WWC2: variants seen among roughly 807,000 people sequenced by gnomAD.
WWC2 encodes the protein WW and C2 domain containing 2, also known as protein WWC2.
WWC2 carries 101 observed loss-of-function variants against 138.5 expected under a neutral mutation model. The observed-to-expected ratio is 0.73, with a 90% CI of 0.62 to 0.86. The LOEUF (loss-of-function observed/expected upper bound fraction) is 0.86. WWC2 is among the 40% of genes least tolerant of loss of function. The pLI, the probability that WWC2 is intolerant of heterozygous loss-of-function variation, is 0.00. For synonymous variants in WWC2, 558 were observed against 538.4 expected, an observed-to-expected ratio of 1.04 and a Z score of -0.50; for missense variants, 1,420 against 1,419.4, an observed-to-expected ratio of 1.00 and a Z score of -0.01.
chr4:183,319,707 A>T lies in WWC2; in HGVS notation c.*3978A>T, dbSNP rs764162279. ...TCCTAGCAGAAGAGAAAGTCCAGCA[A>T]ACCAGCCCAGAAACAGGGCCTCCCC... On this transcript the variant is annotated 3_prime_UTR_variant, in exon 23 of 23. Transcript: ENST00000403733. 35 of 1,614,032 alleles carry T rather than the reference A, an allele frequency of 2.2e-5. No homozygotes were observed. The highest frequency in any genetic ancestry group is 2.6e-5 in the Non-Finnish European group (31 of 1,180,044).
intron 16 of WWC2, among the ~76,000 whole-genome samples, chr4:183,275,826 A>C (rs1048602849): frequency 2.0e-5 from 3 of 152,164 alleles, no homozygotes; most frequent in Admixed American, 6.6e-5. Context: ...GAAGAGTTTG[A>C]GAATAATTTG....
intron 1 of WWC2, among the ~76,000 whole-genome samples, chr4:183,161,273 G>C (rs1443825842): frequency 6.6e-6 from 1 of 152,156 alleles, no homozygotes; most frequent in Non-Finnish European, 1.5e-5. Flanking sequence ...ACTACAAACA[G>C]AAACTTCATT....
intron 14 of WWC2, 121 bp from the exon 15 acceptor site, chr4:183,268,850 A>G: frequency 9.2e-7 from 1 of 1,091,530 alleles, no homozygotes; most frequent in Non-Finnish European, 1.3e-6. Flanking sequence ...GCAACACTTT[A>G]GATTGATCTT....
chr4:183,201,708 C>T (rs759920142), intron 2 of WWC2, among the ~76,000 whole-genome samples: 2 of 152,174 alleles, frequency 1.3e-5, no homozygotes, highest in African/African-American at 2.4e-5. Flanking sequence ...AGAAATACTT[C>T]GTTGGGCTGC....
chr4:183,262,980 A>G (rs1447180528), intron 11 of WWC2, among the ~76,000 whole-genome samples: 1 of 152,180 alleles, frequency 6.6e-6, no homozygotes, highest in Non-Finnish European at 1.5e-5. Context: ...CAGTGATAAC[A>G]TGTGAAGCAC....
At chr4:183,263,032 T>C (rs1195190687) in intron 11 of WWC2, among the ~76,000 whole-genome samples, 1 of 152,188 alleles carries the variant, frequency 6.6e-6, no homozygotes, top group African/African-American at 2.4e-5. Flanking sequence ...ATGGTAATTA[T>C]TAGTACTCTG....
At chr4:183,104,712 T>C (rs1015346731) in intron 1 of WWC2, among the ~76,000 whole-genome samples, 1 of 152,204 alleles carries the variant, frequency 6.6e-6, no homozygotes, top group Non-Finnish European at 1.5e-5. Context: ...TAAAGTATGC[T>C]GTCTTCCAAA....
chr4:183,265,257 C>A, intron 12 of WWC2, 150 bp downstream of exon 12: 2 of 1,137,216 alleles, frequency 1.8e-6, no homozygotes, highest in Non-Finnish European at 1.2e-6. Flanking sequence ...CTGAAAAGTT[C>A]AGTATATCAA....
intron 1 of WWC2, among the ~76,000 whole-genome samples, chr4:183,177,320 T>A (rs887519914): frequency 6.6e-6 from 1 of 152,192 alleles, no homozygotes; most frequent in African/African-American, 2.4e-5. Context: ...ATCTCAAGGC[T>A]AAGGATCATG....
chr4:183,125,359 C>G (rs1732727904), intron 1 of WWC2, among the ~76,000 whole-genome samples: 1 of 152,098 alleles, frequency 6.6e-6, no homozygotes, highest in Non-Finnish European at 1.5e-5. Context: ...GCTGTCATTG[C>G]TTATAGCTTA....
intron 1 of WWC2, among the ~76,000 whole-genome samples, chr4:183,149,920 C>G (rs1733592368): frequency 6.6e-6 from 1 of 152,142 alleles, no homozygotes; most frequent in East Asian, 1.9e-4. Context: ...TTTCTATAAA[C>G]TGGGGTTTCT....
rs373992863 is a variant in WWC2, at chr4:183,104,213, G to A, written c.131+4591G>A. ...AGTAATTTCTATGAACCCACTGCTA[G>A]ACTGTAAACTCCTGGAGTCCCCGAT... On this transcript the variant is annotated intron_variant, in intron 1 of 22. Transcript: ENST00000403733. Among the ~76,000 whole-genome samples the A allele has an allele frequency of 8.5e-5, 13 of 152,254 alleles. 1 individual carries two copies. Among genetic ancestry groups the A allele is most frequent in the African/African-American group, 2.9e-4 (12 of 41,534 alleles).
intron 4 of WWC2, among the ~76,000 whole-genome samples, chr4:183,237,563 G>A (rs1736466454): frequency 6.6e-6 from 1 of 152,108 alleles, no homozygotes; most frequent in Non-Finnish European, 1.5e-5. Context: ...CAAGCCATAA[G>A]TAATCCTTTC....
At chr4:183,150,691 C>A (rs1323030284) in intron 1 of WWC2, among the ~76,000 whole-genome samples, 2 of 152,114 alleles carry the variant, frequency 1.3e-5, no homozygotes, top group African/African-American at 4.8e-5. Context: ...CTCCCCACCC[C>A]ACAACAGGCC....
intron 21 of WWC2, among the ~76,000 whole-genome samples, chr4:183,292,746 A>G (rs1021946451): frequency 6.6e-6 from 1 of 152,194 alleles, no homozygotes; most frequent in African/African-American, 2.4e-5. Flanking sequence ...ACACTAGAAA[A>G]AGAGAGAACA....
intron 1 of WWC2, among the ~76,000 whole-genome samples, chr4:183,130,375 A>C (rs969070800): frequency 6.6e-6 from 1 of 152,208 alleles, no homozygotes; most frequent in Admixed American, 6.5e-5. Flanking sequence ...TAAAATTAAA[A>C]AAAAAATTAT....
At chr4:183,244,380 G>A (rs991740508) in intron 5 of WWC2, among the ~76,000 whole-genome samples, 20 of 152,066 alleles carry the variant, frequency 1.3e-4, no homozygotes, top group Middle Eastern at 3.2e-3. Context: ...CTAAGGTGAC[G>A]ATGTAAACTG....
At chr4:183,199,470 T>C (rs1735245077) in intron 2 of WWC2, among the ~76,000 whole-genome samples, 1 of 152,224 alleles carries the variant, frequency 6.6e-6, no homozygotes, top group Non-Finnish European at 1.5e-5. Flanking sequence ...CTATTTCTTC[T>C]ACATTTTGTA....
At chr4:183,134,753 C>T (rs1733056471) in intron 1 of WWC2, among the ~76,000 whole-genome samples, 1 of 151,978 alleles carries the variant, frequency 6.6e-6, no homozygotes, top group Non-Finnish European at 1.5e-5. Context: ...TGAATTGTCC[C>T]TTTTATTGTT....
Sources: allele counts gnomAD v4.1 joint callset (sites outside exome capture counted in the v4.1 genomes callset), GRCh38; gene constraint gnomAD v4.1.1; transcripts MANE v1.5; gene names NCBI Gene and HGNC (gene_info 2026-07-23, HGNC 2026-07-21).